Variants in TCERG1L observed in about 807,000 individuals in gnomAD.
TCERG1L encodes transcription elongation regulator 1 like.
Under a neutral mutation model 56.3 loss-of-function variants are expected in TCERG1L, and 37 were observed. The ratio of observed to expected loss-of-function variants is 0.66; its 90% CI spans 0.51 to 0.87. The LOEUF is 0.87. Among genes scored for constraint, TCERG1L ranks in the 40% least tolerant of loss-of-function variants. The probability of loss-of-function intolerance (pLI) is 0.00; values close to 1 mark genes in which losing one functional copy is unlikely to be tolerated. For missense variants in TCERG1L, 799 were observed against 774.2 expected (o/e 1.03, Z -0.38); for synonymous variants, 324 against 326.3 (o/e 0.99, Z 0.08).
At chr10:131,105,537 G>A (rs1332696583) in intron 9 of TCERG1L, among the ~76,000 whole-genome samples, 1 of 152,188 alleles carries the variant, frequency 6.6e-6, no homozygotes, top group Admixed American at 6.5e-5. Flanking sequence ...TGCTCAGGCT[G>A]GACTCCAGTC....
intron 5 of TCERG1L, among the ~76,000 whole-genome samples, chr10:131,165,251 T>C (rs1371954400): frequency 6.6e-6 from 1 of 151,982 alleles, no homozygotes; most frequent in African/African-American, 2.4e-5. Context: ...AACACAGAGA[T>C]TAAAGCACTC....
intron 4 of TCERG1L, among the ~76,000 whole-genome samples, chr10:131,245,953 G>T (rs1328735293): frequency 1.3e-5 from 2 of 152,176 alleles, no homozygotes; most frequent in Non-Finnish European, 2.9e-5. Flanking sequence ...AAGGTCCAGG[G>T]CCCTTGCTGA....
chr10:131,120,068 T>A (rs1240963547), intron 8 of TCERG1L, among the ~76,000 whole-genome samples: 1 of 152,086 alleles, frequency 6.6e-6, no homozygotes, highest in Non-Finnish European at 1.5e-5. Flanking sequence ...GTGGTGACCA[T>A]CCTACCCCTA....
chr10:131,232,556 G>T (rs1475789706), intron 4 of TCERG1L, among the ~76,000 whole-genome samples: 1 of 152,234 alleles, frequency 6.6e-6, no homozygotes, highest in Non-Finnish European at 1.5e-5. Context: ...CACAAAAAAT[G>T]GGTAAGAGAG....
Position 131,181,883 on chromosome 10 carries a change from A to G in TCERG1L, c.857-14998T>C, listed in dbSNP as rs563249810. Among the ~76,000 whole-genome samples the G allele has an allele frequency of 2.6e-5, 4 of 152,376 alleles. No homozygotes were observed. The South Asian group carries it at 8.3e-4, about 32-fold the overall frequency. The stretch of plus-strand genomic sequence containing the variant: ...CTTTGCAAACCTCCTTTGCAAATAC[A>G]TTGGGAACAACCATTCATCCCTCCC... On this transcript the variant is annotated intron_variant, in intron 4 of 11. Transcript: ENST00000368642.
At chr10:131,161,440 C>G (rs1410100297) in intron 6 of TCERG1L, 1 of 152,230 alleles carries the variant, frequency 6.6e-6, no homozygotes, top group Non-Finnish European at 1.5e-5. Context: ...GGTCTTTGTT[C>G]CAGATTCCTG....
intron 6 of TCERG1L, among the ~76,000 whole-genome samples, chr10:131,155,121 C>CG (rs1170778475): frequency 3.3e-5 from 5 of 151,982 alleles, no homozygotes; most frequent in Non-Finnish European, 5.9e-5. Flanking sequence ...GGAAGTGAGA[C>CG]GGTGGACAAG....
chr10:131,093,263 C>G lies in TCERG1L; in HGVS notation c.1660G>C (p.Val554Leu). ...TGCTCCTGGTCCTTTCTTTTTTGAACAAGTCGGAACCTCTGATCCCGGCCG... is the reference window on the plus strand; with the variant it reads ...TGCTCCTGGTCCTTTCTTTTTTGAAGAAGTCGGAACCTCTGATCCCGGCCG... ...KYGRDQRFRLVQKRKDQEHFF... is the reference protein window; with the variant it reads ...KYGRDQRFRLLQKRKDQEHFF... The change falls in exon 12 of 12, where the codon GTT becomes CTT. Residue 554 changes from valine (V) to leucine (L), a missense_variant. Val to Leu is a conservative substitution (Grantham distance 32). Transcript: ENST00000368642. 6.2e-7 allele frequency: 1 copy of G among 1,613,974 alleles called. No individual in the cohort carries two copies. Among genetic ancestry groups the G allele is most frequent in the African/African-American group, 1.3e-5 (1 of 75,054 alleles).
At chr10:131,232,470 A>G (rs2133511525) in intron 4 of TCERG1L, among the ~76,000 whole-genome samples, 1 of 152,344 alleles carries the variant, frequency 6.6e-6, no homozygotes, top group South Asian at 2.1e-4. Context: ...GCACACGCTC[A>G]CCTGGCAGAG....
chr10:131,241,487 G>T (rs1039301574), intron 4 of TCERG1L, among the ~76,000 whole-genome samples: 1 of 150,870 alleles, frequency 6.6e-6, no homozygotes, highest in Non-Finnish European at 1.5e-5. Flanking sequence ...ATGAACACAG[G>T]GGATAGCGCA....
chr10:131,266,126 C>T (rs1184306230), intron 3 of TCERG1L, among the ~76,000 whole-genome samples: 2 of 152,178 alleles, frequency 1.3e-5, no homozygotes, highest in African/African-American at 4.8e-5. Flanking sequence ...CTCAAGAAAC[C>T]ACTTTCTATG....
At chr10:131,245,777 G>A (rs1203018086) in intron 4 of TCERG1L, among the ~76,000 whole-genome samples, 1 of 152,170 alleles carries the variant, frequency 6.6e-6, no homozygotes, top group African/African-American at 2.4e-5. Context: ...GGGGTGCAGT[G>A]GGTGGGAAGT....
At chr10:131,232,316 C>A (rs1438379209) in intron 4 of TCERG1L, among the ~76,000 whole-genome samples, 1 of 152,228 alleles carries the variant, frequency 6.6e-6, no homozygotes, top group Non-Finnish European at 1.5e-5. Flanking sequence ...CTGGGAGGAG[C>A]CCAGCAGGAT....
At chr10:131,214,481 C>T (rs1019082279) in intron 4 of TCERG1L, among the ~76,000 whole-genome samples, 1 of 152,212 alleles carries the variant, frequency 6.6e-6, no homozygotes, top group African/African-American at 2.4e-5. Context: ...ATTAGTCTTT[C>T]TATATGCTTT....
At chr10:131,146,945 G>A (rs1218194141) in intron 6 of TCERG1L, among the ~76,000 whole-genome samples, 1 of 152,188 alleles carries the variant, frequency 6.6e-6, no homozygotes, top group Non-Finnish European at 1.5e-5. Flanking sequence ...CAGGCAGGCA[G>A]AGCTCTCTCC....
chr10:131,156,667 T>C (rs908929872), intron 6 of TCERG1L, among the ~76,000 whole-genome samples: 2 of 152,188 alleles, frequency 1.3e-5, no homozygotes, highest in African/African-American at 4.8e-5. Flanking sequence ...ATGTTATCTA[T>C]AGATTCCAGA....
chr10:131,180,675 A>C (rs923894945), intron 4 of TCERG1L, among the ~76,000 whole-genome samples: 3 of 152,170 alleles, frequency 2.0e-5, no homozygotes, highest in Admixed American at 2.0e-4. Context: ...ATTGTATTTC[A>C]CACATTCGTT....
chr10:131,111,026 C>A (rs534160115), intron 9 of TCERG1L, among the ~76,000 whole-genome samples: 2 of 143,228 alleles, frequency 1.4e-5, no homozygotes, highest in African/African-American at 4.9e-5. Context: ...AAAAGGCCAG[C>A]GATCCTGATG....
Position 131,264,462 on chromosome 10 carries a change from C to T in TCERG1L, c.671-4018G>A, listed in dbSNP as rs142780297. 6.2e-3 allele frequency among the ~76,000 whole-genome samples: 946 copies of T among 152,314 alleles called. 10 individuals are homozygous for T. Among genetic ancestry groups the T allele is most frequent in the African/African-American group, 0.021 (891 of 41,556 alleles). On this transcript the variant is annotated intron_variant, in intron 3 of 11. Coordinates refer to ENST00000368642, the MANE Select transcript of TCERG1L (RefSeq NM_174937.4). ...GCTTGGTACTTAGTATACAGATTTG[C>T]ACCTGAGGAGTCGGGCTCCTGGTTC...
Sources: gnomAD v4.1 joint callset for allele counts (sites outside exome capture counted in the v4.1 genomes callset) on GRCh38, gnomAD v4.1.1 for gene constraint, MANE v1.5 for transcripts, NCBI Gene and HGNC (gene_info 2026-07-23, HGNC 2026-07-21) for gene names.